The following WWOX variants were observed in gnomAD, a reference collection of about 807,000 sequenced individuals.
WWOX encodes the protein WW domain containing oxidoreductase.
Under a neutral mutation model 46.2 loss-of-function variants are expected in WWOX, and 69 were observed. The observed-to-expected ratio is 1.49, with a 90% CI of 1.23 to 1.82. The LOEUF is 1.82. WWOX is among the 40% of genes most tolerant of loss of function. The probability of loss-of-function intolerance (pLI) is 0.00; values close to 1 mark genes in which losing one functional copy is unlikely to be tolerated. For synonymous variants in WWOX, 359 were observed against 202.6 expected, an observed-to-expected ratio of 1.77 and a Z score of -6.56; for missense variants, 919 against 542.6, an observed-to-expected ratio of 1.69 and a Z score of -6.89.
intron 4 of WWOX, among the ~76,000 whole-genome samples, chr16:78,151,560 T>C (rs1240123156): frequency 6.6e-6 from 1 of 152,198 alleles, no homozygotes; most frequent in Non-Finnish European, 1.5e-5. Flanking sequence ...ACAGCATCCT[T>C]TGTATAAATC....
At chr16:78,448,053 C>G (rs375138571) in intron 8 of WWOX, among the ~76,000 whole-genome samples, 25 of 152,168 alleles carry the variant, frequency 1.6e-4, no homozygotes, top group African/African-American at 5.8e-4. Context: ...ATCTGCCTGC[C>G]TCAGCCTCCC....
chr16:78,617,754 G>A (rs984433459), intron 8 of WWOX, among the ~76,000 whole-genome samples: 1 of 152,122 alleles, frequency 6.6e-6, no homozygotes, highest in Non-Finnish European at 1.5e-5. Context: ...GCCATCTTGG[G>A]CATCTCACGC....
intron 6 of WWOX, among the ~76,000 whole-genome samples, chr16:78,392,010 C>A (rs1409357263): frequency 5.1e-5 from 7 of 137,148 alleles, no homozygotes; most frequent in African/African-American, 2.1e-4. Context: ...TTTTTTTTTC[C>A]TTAAAAAAAT....
chr16:79,074,294 G>A (rs1311689044), intron 8 of WWOX, among the ~76,000 whole-genome samples: 2 of 151,714 alleles, frequency 1.3e-5, no homozygotes, highest in South Asian at 2.1e-4. Context: ...TCTAATGATG[G>A]TTGGCTGTCA....
chr16:79,163,148 C>T (rs1041789853), intron 8 of WWOX, among the ~76,000 whole-genome samples: 1 of 152,070 alleles, frequency 6.6e-6, no homozygotes, highest in African/African-American at 2.4e-5. Flanking sequence ...TTACTTGGAG[C>T]TGTTATATAT....
At chr16:78,200,808 G>A (rs1049323819) in intron 5 of WWOX, among the ~76,000 whole-genome samples, 10 of 152,120 alleles carry the variant, frequency 6.6e-5, no homozygotes, top group Non-Finnish European at 8.8e-5. Context: ...TTGCACGTGT[G>A]CATTCACGAT....
At chr16:78,193,093 C>T (rs530183531) in intron 5 of WWOX, among the ~76,000 whole-genome samples, 16 of 152,322 alleles carry the variant, frequency 1.1e-4, no homozygotes, top group African/African-American at 3.6e-4. Flanking sequence ...GTCATCAGGG[C>T]CTGCAGAGGG....
intron 8 of WWOX, among the ~76,000 whole-genome samples, chr16:78,830,350 T>C (rs2051784380): frequency 6.6e-6 from 1 of 152,168 alleles, no homozygotes; most frequent in East Asian, 1.9e-4. Context: ...CATATTATCA[T>C]AATGCCTACC....
intron 5 of WWOX, among the ~76,000 whole-genome samples, chr16:78,315,325 A>G (rs1325888554): frequency 2.0e-5 from 3 of 152,158 alleles, no homozygotes; most frequent in Non-Finnish European, 4.4e-5. Flanking sequence ...CCTTTAGAGG[A>G]TAACTCTGTA....
intron 8 of WWOX, among the ~76,000 whole-genome samples, chr16:79,086,892 TAAAAC>T (rs1438427508): frequency 2.0e-5 from 3 of 152,074 alleles, no homozygotes; most frequent in Non-Finnish European, 2.9e-5. Context: ...CAAAACAAAA[TAAAAC>T]AAAGAGTTTA....
chr16:78,629,958 C>G (rs192064305), intron 8 of WWOX, among the ~76,000 whole-genome samples: 3 of 152,040 alleles, frequency 2.0e-5, no homozygotes, highest in Non-Finnish European at 4.4e-5. Flanking sequence ...TTAATTTTCC[C>G]TTTTCCAGCA....
chr16:78,723,968 A>G (rs907877118), intron 8 of WWOX, among the ~76,000 whole-genome samples: 1 of 152,066 alleles, frequency 6.6e-6, no homozygotes, highest in African/African-American at 2.4e-5. Context: ...CCATCCCCCC[A>G]TGGCCTCCAT....
At chr16:78,699,228 C>T (rs1159778983) in intron 8 of WWOX, among the ~76,000 whole-genome samples, 1 of 152,200 alleles carries the variant, frequency 6.6e-6, no homozygotes, top group African/African-American at 2.4e-5. Context: ...AGGCCTAACT[C>T]AGTTAAACAT....
At chr16:78,674,660 C>T (rs2047548864) in intron 8 of WWOX, among the ~76,000 whole-genome samples, 1 of 152,148 alleles carries the variant, frequency 6.6e-6, no homozygotes, top group Non-Finnish European at 1.5e-5. Flanking sequence ...CCTTTATCTC[C>T]TGCCCCATAA....
intron 5 of WWOX, among the ~76,000 whole-genome samples, chr16:78,381,400 A>T (rs1246456000): frequency 6.6e-6 from 1 of 152,100 alleles, no homozygotes; most frequent in Non-Finnish European, 1.5e-5. Flanking sequence ...GTGCCACTAT[A>T]TTCAAGGGAA....
chr16:78,439,346 C>T (rs996868826), intron 8 of WWOX, among the ~76,000 whole-genome samples: 1 of 152,146 alleles, frequency 6.6e-6, no homozygotes, highest in African/African-American at 2.4e-5. Flanking sequence ...ACCACACTGG[C>T]GCTTTCCTGC....
intron 6 of WWOX, among the ~76,000 whole-genome samples, chr16:78,422,784 T>TACACACATATATATAC (rs2082974270): frequency 9.3e-6 from 1 of 107,292 alleles, no homozygotes; most frequent in African/African-American, 6.6e-5. Context: ...CATATATATA[T>TACACACATATATATAC]ACACACACAC....
In WWOX at chr16:79,156,193, A is replaced by G. The variant is rs1393528878; in HGVS notation, c.1057-55415A>G. On this transcript the variant is annotated intron_variant, in intron 8 of 8. Transcript: ENST00000566780. ...GTTCGTTTCTTTGAGACAAGGTCTC[A>G]CTCTGTTGCCCAGGCTGGAGTGCAG... Among the ~76,000 whole-genome samples the G allele has an allele frequency of 2.6e-5, 4 of 152,168 alleles. No individual in the cohort carries two copies. In the East Asian group the frequency reaches 7.7e-4, roughly 29 times the overall value.
chr16:78,655,932 C>G (rs1016291622), intron 8 of WWOX, among the ~76,000 whole-genome samples: 14 of 152,094 alleles, frequency 9.2e-5, no homozygotes, highest in Non-Finnish European at 2.1e-4. Context: ...CTTTGTGCAT[C>G]TTAAAATCCA....
Sources: allele counts gnomAD v4.1 joint callset (sites outside exome capture counted in the v4.1 genomes callset), GRCh38; gene constraint gnomAD v4.1.1; transcripts MANE v1.5; gene names NCBI Gene and HGNC (gene_info 2026-07-23, HGNC 2026-07-21).